Variants in CBLB observed in about 807,000 individuals in gnomAD.
CBLB encodes Cbl proto-oncogene B.
In CBLB, 31 loss-of-function variants were observed where a neutral mutation model predicts 104.9. That is an observed-to-expected ratio of 0.30 (90% CI 0.22 to 0.40). CBLB has a LOEUF of 0.40. Among genes scored for constraint, CBLB ranks in the 10% least tolerant of loss-of-function variants. The probability of loss-of-function intolerance (pLI) is 1.00; values close to 1 mark genes in which losing one functional copy is unlikely to be tolerated. For synonymous variants in CBLB, 440 were observed against 422.6 expected, an observed-to-expected ratio of 1.04 and a Z score of -0.51; for missense variants, 1,062 against 1,214.6, an observed-to-expected ratio of 0.87 and a Z score of 1.87.
chr3:105,727,905 T>C (rs966069250), intron 9 of CBLB, among the ~76,000 whole-genome samples: 1 of 152,218 alleles, frequency 6.6e-6, no homozygotes, highest in Admixed American at 6.5e-5. Context: ...GGTCTAGATA[T>C]CTGTTTTGGT....
chr3:105,814,827 T>C (rs1215941313), intron 3 of CBLB, among the ~76,000 whole-genome samples: 1 of 152,026 alleles, frequency 6.6e-6, no homozygotes, highest in Non-Finnish European at 1.5e-5. Context: ...GTCCAATGAA[T>C]ATGAGAAGAA....
intron 4 of CBLB, among the ~76,000 whole-genome samples, chr3:105,770,932 G>T (rs2078805832): frequency 6.6e-6 from 1 of 152,122 alleles, no homozygotes; most frequent in African/African-American, 2.4e-5. Context: ...AGAAAGTCCA[G>T]GACAAGATAG....
intron 12 of CBLB, among the ~76,000 whole-genome samples, chr3:105,696,836 CTCTTTT>C (rs1352891416): frequency 6.6e-6 from 1 of 151,896 alleles, no homozygotes; most frequent in Non-Finnish European, 1.5e-5. Context: ...CACCTGCCTA[CTCTTTT>C]TATGCTATAG....
At chr3:105,832,036 A>T (rs1397784380) in intron 3 of CBLB, among the ~76,000 whole-genome samples, 2 of 152,166 alleles carry the variant, frequency 1.3e-5, no homozygotes, top group African/African-American at 2.4e-5. Flanking sequence ...TTAAAAAAAA[A>T]TTTAATTATA....
chr3:105,685,433 C>T lies in CBLB; in HGVS notation c.2088G>A (p.Glu696=), dbSNP rs1288564243. The T allele has an allele frequency of 3.7e-6, 6 of 1,613,264 alleles. 1 individual carries two copies. The highest frequency in any genetic ancestry group is 2.2e-5 in the South Asian group (2 of 91,058). Residue 696 remains glutamate, a synonymous_variant, in exon 14 of 19, where the codon GAG becomes GAA. Coordinates refer to ENST00000394030, the MANE Select transcript of CBLB (RefSeq NM_170662.5). ...CTTCCTCTACTGGGTCTCTTGTTTT[C>T]TCTGAAAGAGAATTTGCTAACGGAC... ...CTGPLANSLS[E]KTRDPVEEDD...
intron 4 of CBLB, among the ~76,000 whole-genome samples, chr3:105,759,600 G>A (rs1451940020): frequency 6.6e-6 from 1 of 152,164 alleles, no homozygotes; most frequent in African/African-American, 2.4e-5. Flanking sequence ...CAGGGGGCTG[G>A]CATGTCAGCG....
At chr3:105,713,872 G>A (rs1398639455) in intron 10 of CBLB, among the ~76,000 whole-genome samples, 1 of 152,142 alleles carries the variant, frequency 6.6e-6, no homozygotes, top group Non-Finnish European at 1.5e-5. Flanking sequence ...GACCACCCAT[G>A]GGCTTGCAGG....
intron 3 of CBLB, among the ~76,000 whole-genome samples, chr3:105,822,055 A>G (rs930114757): frequency 1.3e-5 from 2 of 152,154 alleles, no homozygotes; most frequent in East Asian, 1.9e-4. Context: ...ATATGGATGT[A>G]TAAGTTATTT....
chr3:105,728,879 A>C (rs989410214), intron 9 of CBLB, among the ~76,000 whole-genome samples: 1 of 152,172 alleles, frequency 6.6e-6, no homozygotes, highest in Non-Finnish European at 1.5e-5. Context: ...CTTGCAGCCT[A>C]TAACTACTGA....
rs2066326335 is a variant in CBLB at position 105,681,598 on chromosome 3, T to C, written c.2309A>G (p.Asp770Gly). ...TAATGGCACGGGATCAGAGGCTGAATCAAAAACATCTCCTAGAGGATAACA... is the reference window on the plus strand; with the variant it reads ...TAATGGCACGGGATCAGAGGCTGAACCAAAAACATCTCCTAGAGGATAACA... ...LSIYLKGDVFDSASDPVPLPP... is the reference protein window; with the variant it reads ...LSIYLKGDVFGSASDPVPLPP... Residue 770 changes from aspartate to glycine, a missense_variant, in exon 16 of 19, where the codon GAT (aspartate) becomes GGT (glycine). By Grantham distance (94) the Asp-to-Gly change is moderately conservative. Coordinates refer to ENST00000394030, the MANE Select transcript of CBLB (RefSeq NM_170662.5). 2 of 1,614,118 alleles carry C rather than the reference T, an allele frequency of 1.2e-6. No individual in the cohort carries two copies. Among genetic ancestry groups the C allele is most frequent in the Non-Finnish European group, 8.5e-7 (1 of 1,179,996 alleles).
intron 3 of CBLB, among the ~76,000 whole-genome samples, chr3:105,789,779 G>A (rs2081427844): frequency 6.6e-6 from 1 of 152,126 alleles, no homozygotes; most frequent in African/African-American, 2.4e-5. Flanking sequence ...CATATGTCTA[G>A]ATAAGAAATC....
intron 3 of CBLB, among the ~76,000 whole-genome samples, chr3:105,843,125 G>A (rs554795421): frequency 1.4e-4 from 21 of 152,162 alleles, no homozygotes; most frequent in Admixed American, 2.6e-4. Flanking sequence ...AATTGCCAGA[G>A]ACCATCTGGC....
intron 9 of CBLB, among the ~76,000 whole-genome samples, chr3:105,730,467 A>C (rs527857468): frequency 6.6e-6 from 1 of 152,218 alleles, no homozygotes; most frequent in East Asian, 1.9e-4. Flanking sequence ...CTTTTCTTTT[A>C]CATTACCTAG....
chr3:105,761,663 A>G (rs1000577678), intron 4 of CBLB, among the ~76,000 whole-genome samples: 3 of 152,184 alleles, frequency 2.0e-5, no homozygotes. Flanking sequence ...TTCTTTATAA[A>G]TTACCCAATT....
intron 2 of CBLB, among the ~76,000 whole-genome samples, chr3:105,861,247 A>G (rs4894958): frequency 1 from 151,766 of 152,296 alleles, 75,622 homozygotes; most frequent in East Asian, 1. Context: ...ATAATAAGAT[A>G]AACTTAATAT....
At chr3:105,742,950 A>C (rs934794374) in intron 6 of CBLB, among the ~76,000 whole-genome samples, 1 of 152,182 alleles carries the variant, frequency 6.6e-6, no homozygotes, top group African/African-American at 2.4e-5. Context: ...TATTATACAG[A>C]AGGTTCAAGC....
chr3:105,808,179 A>G (rs1048430271), intron 3 of CBLB, among the ~76,000 whole-genome samples: 3 of 152,204 alleles, frequency 2.0e-5, no homozygotes, highest in Non-Finnish European at 4.4e-5. Flanking sequence ...TTAAAAGAAA[A>G]TATTAAGTTA....
chr3:105,825,640 C>T (rs2086465524), intron 3 of CBLB, among the ~76,000 whole-genome samples: 7 of 152,142 alleles, frequency 4.6e-5, no homozygotes, highest in Admixed American at 4.6e-4. Flanking sequence ...AGTAGATTAA[C>T]AATAGCAGAT....
chr3:105,763,193 T>G (rs1452541427), intron 4 of CBLB, among the ~76,000 whole-genome samples: 1 of 152,184 alleles, frequency 6.6e-6, no homozygotes, highest in East Asian at 1.9e-4. Flanking sequence ...TTGATTTTAC[T>G]GGCTCATAAG....
Sources: allele counts gnomAD v4.1 joint callset (sites outside exome capture counted in the v4.1 genomes callset), GRCh38; gene constraint gnomAD v4.1.1; transcripts MANE v1.5; gene names NCBI Gene and HGNC (gene_info 2026-07-23, HGNC 2026-07-21).